KIF26B: variants seen among roughly 807,000 people sequenced by gnomAD.
KIF26B encodes the protein kinesin-like protein KIF26B.
In KIF26B, 63 loss-of-function variants were observed where a neutral mutation model predicts 151.2. The observed-to-expected ratio is 0.42, with a 90% CI of 0.34 to 0.51. The LOEUF (loss-of-function observed/expected upper bound fraction) is 0.51. KIF26B is among the 20% of genes least tolerant of loss of function. The pLI is 0.07. For synonymous variants in KIF26B, 1,357 were observed against 1,262.1 expected (o/e 1.08, Z -1.59); for missense variants, 2,813 against 2,913.6 (o/e 0.97, Z 0.79).
intron 2 of KIF26B, among the ~76,000 whole-genome samples, chr1:245,256,434 G>A (rs1041709410): frequency 2.6e-5 from 4 of 152,212 alleles, no homozygotes; most frequent in Admixed American, 2.0e-4. Flanking sequence ...TCGTCCGGAT[G>A]AGGAAGCTGA....
In KIF26B at chr1:245,516,448, A is replaced by G. The variant is rs1660966971; in HGVS notation, c.1167-24319A>G. ...TAGGCAGCTCTGTAGGGCTGTATGT[A>G]TTGATATCACATGCGTCTATATGAA... On this transcript the variant is annotated intron_variant, in intron 4 of 14. Transcript: ENST00000407071. This position sits in a 1 kb window ranked among gnomAD's most constrained non-coding sequence, Gnocchi z 4.2. 1.3e-5 allele frequency among the ~76,000 whole-genome samples: 2 copies of G among 152,198 alleles called. No homozygotes were observed.
rs2044861162 is a variant in KIF26B, at chr1:245,707,863, T to C, written c.*5257T>C. 6.6e-6 allele frequency: 1 copy of C among 152,212 alleles called. No individual in the cohort carries two copies. Among genetic ancestry groups the C allele is most frequent in the Non-Finnish European group, 1.5e-5 (1 of 68,034 alleles). The allele number at this position is 152,212 out of a possible 1,614,324, so 9.4% of individuals were successfully genotyped here. A position where few individuals can be genotyped will look rare whatever the true frequency, so the allele number is the denominator to read the frequency against. ...TCTTCCTAATGGTTCAACATTCAAT[T>C]CCTGAGGAAAGTGCTGATAGTATTA... is the stretch of plus-strand genomic sequence containing the variant. On this transcript the variant is annotated 3_prime_UTR_variant, in exon 15 of 15. Coordinates refer to ENST00000407071, the MANE Select transcript of KIF26B (RefSeq NM_018012.4).
rs1469137088 is a variant in KIF26B at position 245,184,047 on chromosome 1, G to GTTTTTTTTTTTTTTTTTTTTTTT, written c.465+27366_465+27367insTTTTTTTTTTTTTTTTTTTTTTT. Among the ~76,000 whole-genome samples, 65 of 9,222 alleles carry GTTTTTTTTTTTTTTTTTTTTTTT rather than the reference G, an allele frequency of 7.0e-3. 8 individuals are homozygous for GTTTTTTTTTTTTTTTTTTTTTTT. The highest frequency in any genetic ancestry group is 8.0e-3 in the African/African-American group (22 of 2,752). 6.0% of individuals were successfully genotyped at this position (9,222 alleles called of 152,430 possible). A position where few individuals can be genotyped will look rare whatever the true frequency, so the allele number is the denominator to read the frequency against. ...CCTGCAACAGGTATGGGTGGGAGTTGTTGTTTTTTTTTTTTTTTTTTTGAG... is the reference window on the plus strand; with the variant it reads ...CCTGCAACAGGTATGGGTGGGAGTTGTTTTTTTTTTTTTTTTTTTTTTTTTGTTTTTTTTTTTTTTTTTTTGAG... On this transcript the variant is annotated intron_variant, in intron 2 of 14. Coordinates refer to ENST00000407071, the MANE Select transcript of KIF26B (RefSeq NM_018012.4).
intron 4 of KIF26B, among the ~76,000 whole-genome samples, chr1:245,507,667 A>C (rs142853233): frequency 2.6e-5 from 4 of 152,112 alleles, no homozygotes; most frequent in African/African-American, 9.7e-5. Context: ...TCCCCTCCAC[A>C]TGGCCCCAGG....
intron 2 of KIF26B, among the ~76,000 whole-genome samples, chr1:245,235,534 A>C (rs1410783764): frequency 6.6e-6 from 1 of 152,086 alleles, no homozygotes; most frequent in African/African-American, 2.4e-5. Context: ...TTGAGGTTGC[A>C]ATGAGCTATG....
At chr1:245,291,734 G>A (rs1209885181) in intron 2 of KIF26B, among the ~76,000 whole-genome samples, 1 of 152,210 alleles carries the variant, frequency 6.6e-6, no homozygotes, top group Admixed American at 6.5e-5. Context: ...GCCTTGTTGA[G>A]GACCTGGCAT....
Position 245,512,762 on chromosome 1 carries a change from G to T in KIF26B, c.1167-28005G>T, listed in dbSNP as rs540894630. Among the ~76,000 whole-genome samples, 7 of 152,292 alleles carry T rather than the reference G, an allele frequency of 4.6e-5. No individual in the cohort carries two copies. In the South Asian group the frequency reaches 1.5e-3, roughly 32 times the overall value. On this transcript the variant is annotated intron_variant, in intron 4 of 14. Transcript: ENST00000407071. The surrounding 1 kb of genome is among the most constrained non-coding windows in gnomAD (Gnocchi z 4.3). ...AAAGTGGTTGTATCACAAGGGGAAAGCTTTCGATCTTGTGCCGTTTTGTTT... is the reference window on the plus strand; with the variant it reads ...AAAGTGGTTGTATCACAAGGGGAAATCTTTCGATCTTGTGCCGTTTTGTTT...
At position 245,271,136 on chromosome 1, in the gene KIF26B, A is replaced by G. The variant is rs142993690; in HGVS notation, c.466-95698A>G. ...GTGTCTGTCTTTATGCCAATGTCAT[A>G]CTGTTTTGATTACAGTAGCTTTGTA... is the stretch of plus-strand genomic sequence containing the variant. On this transcript the variant is annotated intron_variant, in intron 2 of 14. Transcript: ENST00000407071. Among the ~76,000 whole-genome samples, 15 of 152,260 alleles carry G rather than the reference A, an allele frequency of 9.9e-5. No individual in the cohort carries two copies. The East Asian group carries it at 2.3e-3, about 23-fold the overall frequency.
At chr1:245,473,332 T>C (rs1166635335) in intron 4 of KIF26B, among the ~76,000 whole-genome samples, 3 of 152,200 alleles carry the variant, frequency 2.0e-5, no homozygotes. Flanking sequence ...ATGTTTCTGA[T>C]TTACCTGAAA....
At chr1:245,596,604 G>A (rs148525703) in intron 5 of KIF26B, among the ~76,000 whole-genome samples, 151 of 152,298 alleles carry the variant, frequency 9.9e-4, no homozygotes, top group African/African-American at 3.5e-3. Flanking sequence ...TGAGAAGAAT[G>A]TATATTCTGT....
At chr1:245,295,722 T>A (rs563381556) in intron 2 of KIF26B, among the ~76,000 whole-genome samples, 2 of 152,342 alleles carry the variant, frequency 1.3e-5, no homozygotes, top group South Asian at 4.1e-4. Flanking sequence ...ATATTACTTT[T>A]CATGGACTAG....
chr1:245,240,105 G>A (rs1186168050), intron 2 of KIF26B, among the ~76,000 whole-genome samples: 1 of 152,044 alleles, frequency 6.6e-6, no homozygotes, highest in Non-Finnish European at 1.5e-5. Flanking sequence ...GGGAGGCGGA[G>A]GTTGCAGTCA....
intron 10 of KIF26B, among the ~76,000 whole-genome samples, chr1:245,658,901 G>A (rs1019514631): frequency 2.0e-5 from 3 of 151,568 alleles, no homozygotes; most frequent in Non-Finnish European, 1.5e-5. Context: ...TTAAATATTT[G>A]TTTACATATA....
chr1:245,250,231 A>C (rs1442481719), intron 2 of KIF26B, among the ~76,000 whole-genome samples: 1 of 152,082 alleles, frequency 6.6e-6, no homozygotes, highest in East Asian at 1.9e-4. Flanking sequence ...GGGTACCTAC[A>C]TCTCTTTGTA....
intron 2 of KIF26B, among the ~76,000 whole-genome samples, chr1:245,363,051 C>T (rs1304263530): frequency 1.5e-4 from 23 of 152,252 alleles, no homozygotes; most frequent in East Asian, 5.8e-4. Flanking sequence ...CTAGGCAGCA[C>T]GACAGACTGG....
intron 9 of KIF26B, among the ~76,000 whole-genome samples, chr1:245,618,565 G>C (rs1395105354): frequency 2.3e-5 from 3 of 132,746 alleles, no homozygotes; most frequent in South Asian, 2.4e-4. Context: ...TGTCTGCTGT[G>C]TGCTGTTTGT....
intron 2 of KIF26B, among the ~76,000 whole-genome samples, chr1:245,277,739 T>C (rs1471309035): frequency 6.6e-6 from 1 of 152,162 alleles, no homozygotes; most frequent in Non-Finnish European, 1.5e-5. Flanking sequence ...TTTCTGCCAA[T>C]GCTCTTCTTG....
intron 2 of KIF26B, among the ~76,000 whole-genome samples, chr1:245,364,954 G>T (rs74742932): frequency 6.6e-6 from 1 of 152,184 alleles, no homozygotes; most frequent in Admixed American, 6.5e-5. Flanking sequence ...GTGAAAACAT[G>T]GGGCTGGAAC....
chr1:245,469,373 C>G (rs1558178615), intron 4 of KIF26B, among the ~76,000 whole-genome samples: 1 of 152,188 alleles, frequency 6.6e-6, no homozygotes, highest in Non-Finnish European at 1.5e-5. Context: ...AAGCCATTAA[C>G]TGGCTTTAAT....
Sources: allele counts gnomAD v4.1 joint callset (sites outside exome capture counted in the v4.1 genomes callset), GRCh38; gene constraint gnomAD v4.1.1; non-coding constraint Gnocchi (gnomAD v3.1); transcripts MANE v1.5; gene names NCBI Gene and HGNC (gene_info 2026-07-23, HGNC 2026-07-21).